Variants in TULP4 observed in about 807,000 individuals in gnomAD.
TULP4 encodes tubby-related protein 4.
Under a neutral mutation model 129.0 loss-of-function variants are expected in TULP4, and 16 were observed. The observed-to-expected ratio is 0.12, with a 90% CI of 0.08 to 0.19. TULP4 has a LOEUF of 0.19. Ranked by LOEUF, TULP4 falls within the 10% of genes least tolerant of loss-of-function variation. The probability of loss-of-function intolerance (pLI) is 1.00; values close to 1 mark genes in which losing one functional copy is unlikely to be tolerated. For missense variants in TULP4, 1,842 were observed against 2,059.1 expected, an observed-to-expected ratio of 0.89 and a Z score of 2.04; for synonymous variants, 998 against 854.0, an observed-to-expected ratio of 1.17 and a Z score of -2.94.
chr6:158,361,962 G>T (rs1186962932), intron 1 of TULP4, among the ~76,000 whole-genome samples: 1 of 152,134 alleles, frequency 6.6e-6, no homozygotes, highest in Admixed American at 6.5e-5. Context: ...AATTTTAGGT[G>T]CCTTATTCAT....
chr6:158,475,037 G>C (rs1334894743), intron 6 of TULP4, among the ~76,000 whole-genome samples: 2 of 152,232 alleles, frequency 1.3e-5, no homozygotes, highest in Non-Finnish European at 2.9e-5. Context: ...TTTATCTAAT[G>C]ACTAACAGCT....
chr6:158,280,669 G>A (rs985162038), upstream of TULP4, among the ~76,000 whole-genome samples: 13 of 152,260 alleles, frequency 8.5e-5, no homozygotes, highest in African/African-American at 3.1e-4. Context: ...ATAGTTGGGT[G>A]ATTAATTGAA....
In TULP4 at chr6:158,465,198, A is replaced by AC. The variant is rs550846976; in HGVS notation, c.1026+3470dup. On this transcript the variant is annotated intron_variant, in intron 6 of 13. Transcript: ENST00000367097. ...GACTCCTTTGGGATCCCCTTGGCCA[A>AC]CAGCAGGCCCATTCCGTAGGTTGGG... Among the ~76,000 whole-genome samples, 15 of 152,302 alleles carry AC rather than the reference A, an allele frequency of 9.8e-5. No homozygotes were observed. In the South Asian group the frequency reaches 2.9e-3, roughly 29 times the overall value.
chr6:158,424,919 C>T (rs1304208760), intron 2 of TULP4, among the ~76,000 whole-genome samples: 3 of 151,334 alleles, frequency 2.0e-5, no homozygotes, highest in South Asian at 4.2e-4. Context: ...TTTGGGAGGC[C>T]GAGGTGGGCG....
chr6:158,374,385 T>A (rs1265501993), intron 1 of TULP4, among the ~76,000 whole-genome samples: 1 of 152,114 alleles, frequency 6.6e-6, no homozygotes, highest in Non-Finnish European at 1.5e-5. Flanking sequence ...TTTTCTGGGC[T>A]TTATTGGTTT....
Position 158,313,788 on chromosome 6 carries a change from C to A in TULP4, c.-229C>A. On this transcript the variant is annotated 5_prime_UTR_variant, in exon 1 of 14. Coordinates refer to ENST00000367097, the MANE Select transcript of TULP4 (RefSeq NM_020245.5). ...GACCCCATGTTTTTTTAAGCATTAC[C>A]TTTTCTTAGAAGACTGCCATCATCT... 1 of 526,842 alleles carries A rather than the reference C, an allele frequency of 1.9e-6. No individual in the cohort carries two copies. Among genetic ancestry groups the A allele is most frequent in the South Asian group, 3.3e-5 (1 of 30,126 alleles). The allele number at this position is 526,842 out of a possible 1,614,324, so 32.6% of individuals were successfully genotyped here.
At chr6:158,390,654 C>T (rs1380935253) in intron 1 of TULP4, among the ~76,000 whole-genome samples, 1 of 152,120 alleles carries the variant, frequency 6.6e-6, no homozygotes, top group East Asian at 1.9e-4. Context: ...ATGCTAAGAT[C>T]GAACGAAGCC....
chr6:158,284,449 G>T (rs1482314143), intron 1 of TULP4, among the ~76,000 whole-genome samples: 1 of 152,258 alleles, frequency 6.6e-6, no homozygotes, highest in Non-Finnish European at 1.5e-5. Context: ...TCTACCCGCT[G>T]CTGAAGAGCT....
chr6:158,376,041 G>A (rs1205399209), intron 1 of TULP4, among the ~76,000 whole-genome samples: 3 of 152,190 alleles, frequency 2.0e-5, no homozygotes, highest in Non-Finnish European at 2.9e-5. Flanking sequence ...AACTGTGGAC[G>A]ATGGGGGAAG....
rs1047092123 is a variant in TULP4 at position 158,507,170 on chromosome 6, C to T, written c.*476C>T. ...AGGTTCTTGGGGAATGGGATGGGGA[C>T]AGCATTTGATTTACACTGATTATGT... On this transcript the variant is annotated 3_prime_UTR_variant, in exon 14 of 14. Coordinates refer to ENST00000367097, the MANE Select transcript of TULP4 (RefSeq NM_020245.5). 3.2e-4 allele frequency: 53 copies of T among 167,536 alleles called. No homozygotes were observed. The highest frequency in any genetic ancestry group is 1.3e-3 in the East Asian group (7 of 5,568). The allele number at this position is 167,536 out of a possible 1,614,324, so 10.4% of individuals were successfully genotyped here. A position where few individuals can be genotyped will look rare whatever the true frequency, so the allele number is the denominator to read the frequency against.
Position 158,501,924 on chromosome 6 carries a change from G to A in TULP4, c.2261G>A (p.Gly754Glu). 1 of 1,614,094 alleles carries A rather than the reference G, an allele frequency of 6.2e-7. No homozygotes were observed. The highest frequency in any genetic ancestry group is 1.1e-5 in the South Asian group (1 of 91,078). The change falls in exon 13 of 14, where the codon GGA becomes GAA. Residue 754 changes from glycine (G) to glutamate (E), a missense_variant. Physicochemically the swap from Gly to Glu is moderately conservative, Grantham distance 98. Coordinates refer to ENST00000367097, the MANE Select transcript of TULP4 (RefSeq NM_020245.5). Reference protein sequence around the residue: ...YPVSNRYSNPGQVIFGSVEMG... With the variant: ...YPVSNRYSNPEQVIFGSVEMG... Reference sequence around the variant, plus strand: ...GTCTCCAACCGGTACTCCAATCCTGGACAGGTGATTTTCGGAAGCGTGGAA... The same window carrying A: ...GTCTCCAACCGGTACTCCAATCCTGAACAGGTGATTTTCGGAAGCGTGGAA...
At chr6:158,418,780 C>T (rs1402675819) in intron 2 of TULP4, among the ~76,000 whole-genome samples, 1 of 152,116 alleles carries the variant, frequency 6.6e-6, no homozygotes, top group Non-Finnish European at 1.5e-5. Context: ...GACAAATAAA[C>T]AGAAACCCAA....
intron 1 of TULP4, among the ~76,000 whole-genome samples, chr6:158,321,538 G>A (rs1041048571): frequency 2.0e-5 from 3 of 151,862 alleles, no homozygotes; most frequent in African/African-American, 4.8e-5. Flanking sequence ...ATTTCCCCCC[G>A]CCCCTTGAAC....
upstream of TULP4, among the ~76,000 whole-genome samples, chr6:158,309,514 C>T (rs1224628326): frequency 4.6e-5 from 7 of 151,986 alleles, no homozygotes; most frequent in African/African-American, 1.4e-4. Context: ...GCTGCACTCT[C>T]GGCGCTTTGG....
chr6:158,363,062 C>CAA (rs11373437), intron 1 of TULP4, among the ~76,000 whole-genome samples: 1,472 of 87,036 alleles, frequency 0.017, 54 homozygotes, highest in African/African-American at 0.031. Context: ...GACTCCATCT[C>CAA]AAAAAAAAAA....
At chr6:158,251,950 C>T (rs1778148358) in intron 1 of TULP4, among the ~76,000 whole-genome samples, 1 of 152,204 alleles carries the variant, frequency 6.6e-6, no homozygotes, top group African/African-American at 2.4e-5. Flanking sequence ...CAGAGGTTAG[C>T]TGCATTGAAG....
At chr6:158,234,312 A>G (rs1337861781) in intron 1 of TULP4, among the ~76,000 whole-genome samples, 7 of 149,376 alleles carry the variant, frequency 4.7e-5, no homozygotes, top group African/African-American at 1.5e-4. Context: ...GAATCATCCA[A>G]CATTGATGCT....
intron 1 of TULP4, among the ~76,000 whole-genome samples, chr6:158,256,418 TAACTTGTG>T (rs1166630361): frequency 2.0e-5 from 3 of 152,212 alleles, no homozygotes; most frequent in Non-Finnish European, 4.4e-5. Context: ...ACTTTAAGGG[TAACTTGTG>T]AACATCCTGT....
intron 1 of TULP4, among the ~76,000 whole-genome samples, chr6:158,332,399 G>A (rs1779932162): frequency 6.6e-6 from 1 of 151,828 alleles, no homozygotes; most frequent in Admixed American, 6.6e-5. Flanking sequence ...TTAGACTAGA[G>A]CTGGTCTAGA....
Sources: gnomAD v4.1 joint callset for allele counts (sites outside exome capture counted in the v4.1 genomes callset) on GRCh38, gnomAD v4.1.1 for gene constraint, MANE v1.5 for transcripts, NCBI Gene and HGNC (gene_info 2026-07-23, HGNC 2026-07-21) for gene names.